Variants in PIK3C2G observed in about 807,000 individuals in gnomAD.
PIK3C2G encodes phosphatidylinositol-4-phosphate 3-kinase catalytic subunit type 2 gamma, also known as phosphatidylinositol 3-kinase C2 domain-containing subunit gamma.
PIK3C2G carries 168 observed loss-of-function variants against 181.1 expected under a neutral mutation model. The observed-to-expected ratio is 0.93, with a 90% CI of 0.82 to 1.05. The LOEUF is 1.05. PIK3C2G is among the 50% of genes least tolerant of loss of function. The pLI is 0.00. For missense variants in PIK3C2G, 1,869 were observed against 1,732.8 expected, an observed-to-expected ratio of 1.08 and a Z score of -1.40; for synonymous variants, 573 against 592.2, an observed-to-expected ratio of 0.97 and a Z score of 0.47.
intron 18 of PIK3C2G, among the ~76,000 whole-genome samples, chr12:18,479,765 C>T (rs943966865): frequency 2.0e-5 from 3 of 152,088 alleles, no homozygotes; most frequent in African/African-American, 4.8e-5. Context: ...GATTTTAGAA[C>T]ACAGAATATG....
intron 29 of PIK3C2G, among the ~76,000 whole-genome samples, chr12:18,585,123 CA>C (rs1324947632): frequency 2.6e-5 from 4 of 152,116 alleles, no homozygotes; most frequent in African/African-American, 7.2e-5. Flanking sequence ...CACTCTAAAG[CA>C]AACACACAAA....
At position 18,620,014 on chromosome 12, in the gene PIK3C2G, G is replaced by A. The variant is rs551233008; in HGVS notation, c.4182+10385G>A. On this transcript the variant is annotated intron_variant, in intron 31 of 32. Coordinates refer to ENST00000538779, the MANE Select transcript of PIK3C2G (RefSeq NM_001288772.2). ...GCTGGGATTACAGGCATGAGCCACC[G>A]CGTCCAGCCCCTTAATTTTTTAAAA... 8.5e-5 allele frequency among the ~76,000 whole-genome samples: 13 copies of A among 152,086 alleles called. No homozygotes were observed. In the East Asian group the frequency reaches 9.7e-4, roughly 11 times the overall value.
At chr12:18,662,794 A>C in the PIK3C2G span, among the ~76,000 whole-genome samples, 5 of 152,132 alleles carry the variant, frequency 3.3e-5, no homozygotes, top group Admixed American at 2.6e-4. Flanking sequence ...GAGAGTTATA[A>C]CTTTAGCATG....
chr12:18,644,313 G>A (rs1017940711), intron 32 of PIK3C2G, among the ~76,000 whole-genome samples: 5 of 152,020 alleles, frequency 3.3e-5, no homozygotes, highest in South Asian at 2.1e-4. Context: ...GTGGGATTCC[G>A]GGCTCCAAAG....
chr12:18,445,230 C>T lies in PIK3C2G; in HGVS notation c.2504+21191C>T, dbSNP rs529572713. Among the ~76,000 whole-genome samples, 1,156 of 152,084 alleles carry T rather than the reference C, an allele frequency of 7.6e-3. 14 individuals are homozygous for T. Among genetic ancestry groups the T allele is most frequent in the African/African-American group, 0.027 (1,101 of 41,500 alleles). ...AAATAGGTGTTGTATATCATCTTTTCAGTGGTGAAGAATTAATTTCTTTAA... is the reference window on the plus strand; with the variant it reads ...AAATAGGTGTTGTATATCATCTTTTTAGTGGTGAAGAATTAATTTCTTTAA... On this transcript the variant is annotated intron_variant, in intron 18 of 32. Coordinates refer to ENST00000538779, the MANE Select transcript of PIK3C2G (RefSeq NM_001288772.2).
At chr12:18,693,156 G>T in the PIK3C2G span, 2 of 1,536,806 alleles carry the variant, frequency 1.3e-6, no homozygotes. Context: ...GTCTACATCT[G>T]TGGGCTCAGA....
intron 31 of PIK3C2G, among the ~76,000 whole-genome samples, chr12:18,631,826 T>G (rs11614916): frequency 0.092 from 13,928 of 151,962 alleles, 873 homozygotes; most frequent in Non-Finnish European, 0.14. Context: ...TGAGGAGGAA[T>G]AGAAGATAGA....
chr12:18,263,694 A>C (rs1183520965), intron 1 of PIK3C2G, among the ~76,000 whole-genome samples: 2 of 152,086 alleles, frequency 1.3e-5, no homozygotes, highest in Non-Finnish European at 2.9e-5. Flanking sequence ...TTTCAATGTA[A>C]TGACATCAGT....
At chr12:18,661,264 G>A in the PIK3C2G span, among the ~76,000 whole-genome samples, 33 of 152,040 alleles carry the variant, frequency 2.2e-4, no homozygotes, top group African/African-American at 7.7e-4. Flanking sequence ...ATTTCCAAGT[G>A]TGATGAGATA....
At chr12:18,587,862 G>C (rs1271266302) in intron 29 of PIK3C2G, among the ~76,000 whole-genome samples, 1 of 151,446 alleles carries the variant, frequency 6.6e-6, no homozygotes, top group Non-Finnish European at 1.5e-5. Flanking sequence ...ATACTACAGG[G>C]AGACAGTAAC....
chr12:18,692,624 G>T, the PIK3C2G span: 1 of 576,986 alleles, frequency 1.7e-6, no homozygotes, highest in Non-Finnish European at 3.1e-6. Flanking sequence ...GAGGTCAACC[G>T]CAATGGGGCA....
At chr12:18,550,676 T>C (rs1944682842) in intron 26 of PIK3C2G, among the ~76,000 whole-genome samples, 1 of 152,088 alleles carries the variant, frequency 6.6e-6, no homozygotes, top group African/African-American at 2.4e-5. Flanking sequence ...TTTTATTTCT[T>C]TGTTCTGATA....
In PIK3C2G at chr12:18,610,134, GC is replaced by G. The variant is rs1207333967; in HGVS notation, c.4182+507del. Among the ~76,000 whole-genome samples the G allele has an allele frequency of 5.9e-5, 9 of 152,162 alleles. 1 individual carries two copies. Among genetic ancestry groups the G allele is most frequent in the African/African-American group, 1.9e-4 (8 of 41,550 alleles). Reference sequence around the variant, plus strand: ...AGTCAGAGGCAATGATGGTAACTGGGCCATATCATTAAGAAAGAGAGGAAGC... The same window carrying G: ...AGTCAGAGGCAATGATGGTAACTGGGCATATCATTAAGAAAGAGAGGAAGC... On this transcript the variant is annotated intron_variant, in intron 31 of 32. Coordinates refer to ENST00000538779, the MANE Select transcript of PIK3C2G (RefSeq NM_001288772.2).
At chr12:18,715,415 T>C in the PIK3C2G span, among the ~76,000 whole-genome samples, 1 of 151,732 alleles carries the variant, frequency 6.6e-6, no homozygotes, top group South Asian at 2.1e-4. Context: ...TTTTTGTTTT[T>C]TTTAGAGACA....
At chr12:18,670,554 A>T in the PIK3C2G span, among the ~76,000 whole-genome samples, 1 of 152,156 alleles carries the variant, frequency 6.6e-6, no homozygotes, top group Admixed American at 6.5e-5. Context: ...ATCTCCAGGG[A>T]TTGATATGAG....
the PIK3C2G span, chr12:18,693,074 G>A: frequency 6.7e-7 from 1 of 1,494,192 alleles, no homozygotes; most frequent in African/African-American, 1.4e-5. Context: ...GATCAAAAGT[G>A]GATGATCTGA....
intron 1 of PIK3C2G, among the ~76,000 whole-genome samples, chr12:18,262,172 T>C (rs1948271246): frequency 6.6e-6 from 1 of 152,128 alleles, no homozygotes; most frequent in African/African-American, 2.4e-5. Context: ...TCTTTATTCG[T>C]AGCTCACTGA....
rs188810191 is a variant in PIK3C2G at position 18,517,857 on chromosome 12, T to C, written c.3323+12396T>C. On this transcript the variant is annotated intron_variant, in intron 24 of 32. Transcript: ENST00000538779. ...AGCTTTTGCCCATTCAGTATGATAT[T>C]GGGTGTGGGTCTGTCATAAATAGCT... is the stretch of plus-strand genomic sequence containing the variant. 1.4e-4 allele frequency among the ~76,000 whole-genome samples: 21 copies of C among 152,314 alleles called. No homozygotes were observed. In the East Asian group the frequency reaches 2.3e-3, roughly 17 times the overall value.
At chr12:18,664,007 T>C in the PIK3C2G span, among the ~76,000 whole-genome samples, 1 of 152,072 alleles carries the variant, frequency 6.6e-6, no homozygotes, top group Non-Finnish European at 1.5e-5. Flanking sequence ...ATGCTCAACA[T>C]CACTAATCAT....
Sources: allele counts gnomAD v4.1 joint callset (sites outside exome capture counted in the v4.1 genomes callset), GRCh38; gene constraint gnomAD v4.1.1; transcripts MANE v1.5; gene names NCBI Gene and HGNC (gene_info 2026-07-23, HGNC 2026-07-21).